KCNIP4: variants seen among roughly 807,000 people sequenced by gnomAD.
KCNIP4 encodes the protein potassium voltage-gated channel interacting protein 4, also known as Kv channel-interacting protein 4.
In KCNIP4, 12 loss-of-function variants were observed where a neutral mutation model predicts 34.0. The observed-to-expected ratio is 0.35, with a 90% CI of 0.23 to 0.57. The LOEUF is 0.57. Among genes scored for constraint, KCNIP4 ranks in the 20% least tolerant of loss-of-function variants. KCNIP4 has a pLI of 0.83. For missense variants in KCNIP4, 238 were observed against 311.7 expected (o/e 0.76, Z 1.78); for synonymous variants, 124 against 102.2 (o/e 1.21, Z -1.29).
intron 1 of KCNIP4, among the ~76,000 whole-genome samples, chr4:21,856,146 T>C (rs1724739200): frequency 6.6e-6 from 1 of 152,074 alleles, no homozygotes; most frequent in African/African-American, 2.4e-5. Flanking sequence ...TTGGGTGGGG[T>C]CATTTATCAT....
chr4:21,681,140 T>C (rs1028689946), intron 1 of KCNIP4, among the ~76,000 whole-genome samples: 1 of 152,160 alleles, frequency 6.6e-6, no homozygotes, highest in African/African-American at 2.4e-5. Flanking sequence ...AGTGGCATGA[T>C]CATAGCTCCC....
intron 1 of KCNIP4, among the ~76,000 whole-genome samples, chr4:21,126,773 A>G (rs1333452181): frequency 6.6e-6 from 1 of 152,208 alleles, no homozygotes; most frequent in Non-Finnish European, 1.5e-5. Flanking sequence ...GTTTCTTTGT[A>G]GACAAAAAGC....
At chr4:21,050,161 C>T (rs1265555739) in intron 1 of KCNIP4, among the ~76,000 whole-genome samples, 3 of 152,254 alleles carry the variant, frequency 2.0e-5, no homozygotes, top group Non-Finnish European at 4.4e-5. Context: ...CAATGTCATG[C>T]AAAACTGGAA....
At chr4:21,775,649 G>A (rs185606623) in intron 1 of KCNIP4, among the ~76,000 whole-genome samples, 1 of 152,258 alleles carries the variant, frequency 6.6e-6, no homozygotes, top group African/African-American at 2.4e-5. Flanking sequence ...TTCTGTCCCT[G>A]AGCCTCTGGC....
intron 1 of KCNIP4, among the ~76,000 whole-genome samples, chr4:21,531,373 C>T (rs1007169505): frequency 2.9e-5 from 4 of 140,148 alleles, no homozygotes. Flanking sequence ...CCCTCCCTTC[C>T]TTCCTTCCTT....
At chr4:21,697,808 C>T in intron 1 of KCNIP4, 1 of 262,764 alleles carries the variant, frequency 3.8e-6, no homozygotes, top group Non-Finnish European at 6.2e-6. Flanking sequence ...GGAGGCGGGG[C>T]CTGCGATGCC....
chr4:21,541,909 C>T (rs1384864172), intron 1 of KCNIP4, among the ~76,000 whole-genome samples: 1 of 152,046 alleles, frequency 6.6e-6, no homozygotes, highest in Non-Finnish European at 1.5e-5. Flanking sequence ...TCCAAAAATG[C>T]TAGGATTACA....
At chr4:20,879,162 T>C (rs1431779437) in intron 2 of KCNIP4, among the ~76,000 whole-genome samples, 1 of 152,120 alleles carries the variant, frequency 6.6e-6, no homozygotes, top group African/African-American at 2.4e-5. Flanking sequence ...GGGCCAAAAA[T>C]GTGAACAAGA....
At chr4:21,637,366 A>G (rs1746265393) in intron 1 of KCNIP4, among the ~76,000 whole-genome samples, 1 of 152,172 alleles carries the variant, frequency 6.6e-6, no homozygotes, top group Non-Finnish European at 1.5e-5. Context: ...CAGCATAAAT[A>G]GCTACTCACA....
In KCNIP4 at chr4:21,493,624, CA is replaced by C. The variant is rs550866794; in HGVS notation, c.61+454946del. On this transcript the variant is annotated intron_variant, in intron 1 of 8. Coordinates refer to ENST00000382152, the MANE Select transcript of KCNIP4 (RefSeq NM_025221.6). ...GCTTGGAAAGTTTCTGGACAAGCAA[CA>C]AGAGTCCTTTCTCTCCATCTAGCAG... is the stretch of plus-strand genomic sequence containing the variant. 2.2e-4 allele frequency among the ~76,000 whole-genome samples: 33 copies of C among 152,270 alleles called. 2 individuals are homozygous for C. The South Asian group carries it at 6.6e-3, about 31-fold the overall frequency.
At chr4:20,885,088 AC>A (rs1458717218) in intron 1 of KCNIP4, among the ~76,000 whole-genome samples, 1 of 151,282 alleles carries the variant, frequency 6.6e-6, no homozygotes, top group Non-Finnish European at 1.5e-5. Context: ...AAGAAGAAAG[AC>A]CTCCTCCCTC....
At chr4:21,153,523 A>ATATATATATGTGTGTGTGTG (rs1560769198) in intron 1 of KCNIP4, among the ~76,000 whole-genome samples, 5 of 132,008 alleles carry the variant, frequency 3.8e-5, no homozygotes, top group Non-Finnish European at 7.6e-5. Flanking sequence ...GTGTATATAT[A>ATATATATATGTGTGTGTGTG]TATATATATA....
intron 1 of KCNIP4, among the ~76,000 whole-genome samples, chr4:21,415,896 G>T (rs1724917666): frequency 1.3e-5 from 2 of 152,142 alleles, no homozygotes; most frequent in South Asian, 4.1e-4. Flanking sequence ...AGATGGGTGG[G>T]AAAGATATGG....
intron 1 of KCNIP4, among the ~76,000 whole-genome samples, chr4:21,276,773 T>C (rs1318446173): frequency 6.6e-6 from 1 of 152,208 alleles, no homozygotes; most frequent in African/African-American, 2.4e-5. Flanking sequence ...AATGATTTTA[T>C]GATATAGTTT....
At chr4:21,920,096 A>C (rs886626460) in intron 1 of KCNIP4, among the ~76,000 whole-genome samples, 1 of 152,170 alleles carries the variant, frequency 6.6e-6, no homozygotes, top group Non-Finnish European at 1.5e-5. Context: ...CGTTCTTGAA[A>C]CTGTTATTTT....
chr4:21,019,265 C>T (rs1022507251), intron 1 of KCNIP4, among the ~76,000 whole-genome samples: 1 of 152,054 alleles, frequency 6.6e-6, no homozygotes, highest in African/African-American at 2.4e-5. Flanking sequence ...AAGCAATTCC[C>T]CTGTCTCAAC....
chr4:21,404,076 C>T (rs1440546483), intron 1 of KCNIP4, among the ~76,000 whole-genome samples: 1 of 152,192 alleles, frequency 6.6e-6, no homozygotes, highest in Non-Finnish European at 1.5e-5. Context: ...TCCTTGAATG[C>T]TCCAAGCACA....
At position 20,836,627 on chromosome 4, in the gene KCNIP4, G is replaced by C. The variant is rs557811198; in HGVS notation, c.288+13916C>G. Among the ~76,000 whole-genome samples the C allele has an allele frequency of 4.4e-4, 67 of 152,220 alleles. No individual in the cohort carries two copies. In the South Asian group the frequency reaches 0.013, roughly 31 times the overall value. ...GCTTCTCTGGGAAACCTCAGTTTTT[G>C]CTCTTAAGGCCTTCAACTGATTGAG... On this transcript the variant is annotated intron_variant, in intron 3 of 8. Transcript: ENST00000382152.
chr4:21,809,053 C>T (rs1721467581), intron 1 of KCNIP4, among the ~76,000 whole-genome samples: 1 of 152,176 alleles, frequency 6.6e-6, no homozygotes, highest in Non-Finnish European at 1.5e-5. Context: ...TATGTCTCAA[C>T]TTGACTGGGC....
Sources: gnomAD v4.1 joint callset for allele counts (sites outside exome capture counted in the v4.1 genomes callset) on GRCh38, gnomAD v4.1.1 for gene constraint, MANE v1.5 for transcripts, NCBI Gene and HGNC (gene_info 2026-07-23, HGNC 2026-07-21) for gene names.